CEP135: variants seen among roughly 807,000 people sequenced by gnomAD.
CEP135 encodes centrosomal protein of 135 kDa.
CEP135 carries 142 observed loss-of-function variants against 157.3 expected under a neutral mutation model. That is an observed-to-expected ratio of 0.90 (90% CI 0.79 to 1.04). The LOEUF is 1.04. Among genes scored for constraint, CEP135 ranks in the 50% least tolerant of loss-of-function variants. CEP135 has a pLI of 0.00. For missense variants in CEP135, 1,317 were observed against 1,309.2 expected, an observed-to-expected ratio of 1.01 and a Z score of -0.09; for synonymous variants, 396 against 439.8, an observed-to-expected ratio of 0.90 and a Z score of 1.25.
chr4:55,980,418 T>C (rs1478768141), intron 12 of CEP135, 123 bp downstream of exon 12: 1 of 564,080 alleles, frequency 1.8e-6, no homozygotes, highest in South Asian at 3.8e-5. Context: ...ATAATTAAAA[T>C]TATCAGTAGT....
intron 13 of CEP135, among the ~76,000 whole-genome samples, chr4:55,983,698 G>A (rs1442371560): frequency 6.6e-6 from 1 of 151,644 alleles, no homozygotes; most frequent in Non-Finnish European, 1.5e-5. Context: ...AAGTTCAAGC[G>A]ATTTAGTAGA....
At chr4:55,961,763 C>CT (rs1400165379) in intron 6 of CEP135, among the ~76,000 whole-genome samples, 5 of 42,068 alleles carry the variant, frequency 1.2e-4, no homozygotes, top group African/African-American at 5.4e-4. Flanking sequence ...AAAACTCTGT[C>CT]TAAAAAAAAA....
At chr4:56,012,682 C>T (rs533264141) in intron 21 of CEP135, among the ~76,000 whole-genome samples, 2 of 152,290 alleles carry the variant, frequency 1.3e-5, no homozygotes, top group African/African-American at 2.4e-5. Context: ...TTTACTTTAC[C>T]TCAAGGTTCA....
intron 12 of CEP135, among the ~76,000 whole-genome samples, chr4:55,980,926 C>T (rs944149150): frequency 6.6e-6 from 1 of 152,094 alleles, no homozygotes; most frequent in Non-Finnish European, 1.5e-5. Context: ...GTAAATTGAT[C>T]CACTTCTGGG....
At chr4:55,968,928 T>C (rs1728927599) in intron 8 of CEP135, 135 bp from the exon 9 acceptor site, 1 of 523,008 alleles carries the variant, frequency 1.9e-6, no homozygotes, top group Admixed American at 3.9e-5. Context: ...TTCGTTGAAA[T>C]TGATAGGGAT....
chr4:55,969,137 A>T lies in CEP135; in HGVS notation c.1110+9A>T, dbSNP rs201226456. 8.3e-5 allele frequency: 133 copies of T among 1,610,976 alleles called. No homozygotes were observed. Among genetic ancestry groups the T allele is most frequent in the Admixed American group, 2.2e-4 (13 of 59,316 alleles). On this transcript the variant is annotated intron_variant, in intron 9 of 25. Coordinates refer to ENST00000257287, the MANE Select transcript of CEP135 (RefSeq NM_025009.5). Reference sequence around the variant, plus strand: ...TGGCAAAACTTCAGCTGGTAAGTTGATGTCATGTTGAATTGCCAGCATTTT... The same window carrying T: ...TGGCAAAACTTCAGCTGGTAAGTTGTTGTCATGTTGAATTGCCAGCATTTT...
intron 17 of CEP135, among the ~76,000 whole-genome samples, chr4:56,001,230 T>C (rs1730160351): frequency 1.3e-5 from 2 of 152,176 alleles, no homozygotes; most frequent in Admixed American, 6.5e-5. Context: ...CTTAATAGTT[T>C]CCATTGCTGT....
chr4:56,028,553 G>A (rs1022032616), intron 25 of CEP135, among the ~76,000 whole-genome samples: 1 of 150,620 alleles, frequency 6.6e-6, no homozygotes, highest in African/African-American at 2.4e-5. Context: ...TCTAAATATT[G>A]TCACCAAAAC....
At chr4:56,000,145 A>C (rs1265822220) in intron 17 of CEP135, among the ~76,000 whole-genome samples, 3 of 152,082 alleles carry the variant, frequency 2.0e-5, no homozygotes, top group African/African-American at 7.2e-5. Flanking sequence ...AACTGAGATC[A>C]TGCCACTGCA....
intron 9 of CEP135, 119 bp downstream of exon 9, chr4:55,969,247 C>A: frequency 2.9e-6 from 2 of 700,210 alleles, no homozygotes; most frequent in Non-Finnish European, 4.8e-6. Context: ...ATCAACATGG[C>A]GAAACCCCGT....
At chr4:55,992,117 T>G (rs371328345) in intron 15 of CEP135, 32 bp downstream of exon 15, 1 of 1,578,286 alleles carries the variant, frequency 6.3e-7, no homozygotes, top group Non-Finnish European at 8.6e-7. Context: ...TAATTTCATT[T>G]CTGGGAATGT....
chr4:55,954,485 G>A, intron 4 of CEP135, 102 bp downstream of exon 4: 1 of 974,368 alleles, frequency 1.0e-6, no homozygotes, highest in East Asian at 2.7e-5. Flanking sequence ...TTCATGCTTA[G>A]ACTTTAGTGT....
chr4:56,029,684 G>A (rs986880070), intron 25 of CEP135, among the ~76,000 whole-genome samples: 2 of 152,186 alleles, frequency 1.3e-5, no homozygotes, highest in Non-Finnish European at 2.9e-5. Context: ...GCTCCTAGGC[G>A]ATAAATCTGT....
Position 56,017,642 on chromosome 4 carries a change from T to C in CEP135, c.2803-6T>C, listed in dbSNP as rs373921503. On this transcript the variant is annotated splice_polypyrimidine_tract_variant and splice_region_variant and intron_variant, in intron 21 of 25. Coordinates refer to ENST00000257287, the MANE Select transcript of CEP135 (RefSeq NM_025009.5). Reference sequence around the variant, plus strand: ...ACTTTTTACTTGTTTCTTTTTCTTTTTTCAGCACATAAATGCCCATCATGC... The same window carrying C: ...ACTTTTTACTTGTTTCTTTTTCTTTCTTCAGCACATAAATGCCCATCATGC... The C allele has an allele frequency of 2.6e-6, 4 of 1,562,402 alleles. No individual in the cohort carries two copies. In the African/African-American group the frequency reaches 5.5e-5, roughly 21 times the overall value.
chr4:56,003,436 C>G (rs1421032920), intron 17 of CEP135, among the ~76,000 whole-genome samples: 1 of 152,156 alleles, frequency 6.6e-6, no homozygotes, highest in Non-Finnish European at 1.5e-5. Context: ...TCTCAATCTC[C>G]TGACCTACTG....
intron 6 of CEP135, among the ~76,000 whole-genome samples, chr4:55,961,186 A>G (rs1298726179): frequency 6.6e-6 from 1 of 151,868 alleles, no homozygotes; most frequent in Non-Finnish European, 1.5e-5. Context: ...TCCAATATGC[A>G]CATGAGTTTA....
chr4:56,013,383 G>A (rs569941017), intron 21 of CEP135, among the ~76,000 whole-genome samples: 28 of 152,168 alleles, frequency 1.8e-4, no homozygotes, highest in African/African-American at 6.3e-4. Flanking sequence ...TTTAAATGAA[G>A]TCCAATTTTT....
intron 24 of CEP135, among the ~76,000 whole-genome samples, chr4:56,021,788 G>A (rs2109748491): frequency 6.6e-6 from 1 of 152,334 alleles, no homozygotes; most frequent in South Asian, 2.1e-4. Flanking sequence ...ACTTTGGGAG[G>A]CCAAGGCAGG....
intron 21 of CEP135, among the ~76,000 whole-genome samples, chr4:56,013,090 A>G (rs1249946464): frequency 6.6e-6 from 1 of 152,182 alleles, no homozygotes; most frequent in African/African-American, 2.4e-5. Flanking sequence ...AGCCGTCATA[A>G]TGGGAATAGA....
Sources: gnomAD v4.1 joint callset for allele counts (sites outside exome capture counted in the v4.1 genomes callset) on GRCh38, gnomAD v4.1.1 for gene constraint, MANE v1.5 for transcripts, NCBI Gene and HGNC (gene_info 2026-07-23, HGNC 2026-07-21) for gene names.